The following MSRA variants were observed in gnomAD, a reference collection of about 807,000 sequenced individuals.
MSRA encodes the protein mitochondrial peptide methionine sulfoxide reductase.
MSRA carries 54 observed loss-of-function variants against 31.3 expected under a neutral mutation model. The observed-to-expected ratio is 1.73, with a 90% CI of 1.39 to 2.17. MSRA has a LOEUF of 2.17. MSRA is among the 30% of genes most tolerant of loss of function. The probability of loss-of-function intolerance (pLI) is 0.00; values close to 1 mark genes in which losing one functional copy is unlikely to be tolerated. For missense variants in MSRA, 507 were observed against 300.9 expected (o/e 1.69, Z -5.07); for synonymous variants, 169 against 116.5 (o/e 1.45, Z -2.90).
At chr8:10,339,063 G>T (rs1350837512) in intron 5 of MSRA, among the ~76,000 whole-genome samples, 1 of 152,150 alleles carries the variant, frequency 6.6e-6, no homozygotes, top group Non-Finnish European at 1.5e-5. Flanking sequence ...CACTGGGTTT[G>T]TTCCCTTGTT....
At chr8:10,204,827 C>T (rs969781958) in intron 1 of MSRA, among the ~76,000 whole-genome samples, 12 of 152,164 alleles carry the variant, frequency 7.9e-5, no homozygotes, top group Non-Finnish European at 1.3e-4. Context: ...ATCAAATGCC[C>T]GTTCTGTGTC....
At chr8:10,072,557 C>G (rs1276323661) in intron 1 of MSRA, among the ~76,000 whole-genome samples, 1 of 152,144 alleles carries the variant, frequency 6.6e-6, no homozygotes, top group Non-Finnish European at 1.5e-5. Context: ...CCTTATTCTT[C>G]CCTTTCAAGA....
intron 3 of MSRA, among the ~76,000 whole-genome samples, chr8:10,263,097 G>A (rs1224857809): frequency 2.0e-5 from 3 of 152,184 alleles, no homozygotes; most frequent in East Asian, 1.9e-4. Context: ...ACCCCAGCCC[G>A]AGGCCTAGTG....
intron 3 of MSRA, among the ~76,000 whole-genome samples, chr8:10,297,015 A>G (rs1327186281): frequency 6.6e-6 from 1 of 152,186 alleles, no homozygotes; most frequent in East Asian, 1.9e-4. Flanking sequence ...TGGAAGAATC[A>G]AAGGTGACAT....
chr8:10,357,567 T>C (rs1273624476), intron 5 of MSRA, among the ~76,000 whole-genome samples: 1 of 152,218 alleles, frequency 6.6e-6, no homozygotes. Context: ...CCTTTTACCA[T>C]GACTTCAGGA....
intron 1 of MSRA, among the ~76,000 whole-genome samples, chr8:10,161,714 C>T (rs1393012687): frequency 6.6e-6 from 1 of 151,936 alleles, no homozygotes; most frequent in East Asian, 1.9e-4. Context: ...AGAGCTGAAG[C>T]CAGGCTGACC....
intron 1 of MSRA, among the ~76,000 whole-genome samples, chr8:10,117,701 C>T (rs1358198276): frequency 6.6e-6 from 1 of 152,132 alleles, no homozygotes; most frequent in Non-Finnish European, 1.5e-5. Flanking sequence ...AAATACATTT[C>T]AGGGTCTTTT....
intron 1 of MSRA, among the ~76,000 whole-genome samples, chr8:10,165,929 G>A (rs1805085212): frequency 6.6e-6 from 1 of 152,190 alleles, no homozygotes; most frequent in Non-Finnish European, 1.5e-5. Flanking sequence ...GCACAGAGAA[G>A]CCAAGCAGAC....
intron 2 of MSRA, among the ~76,000 whole-genome samples, chr8:10,224,071 T>G (rs966648378): frequency 1.3e-5 from 2 of 152,302 alleles, no homozygotes; most frequent in Admixed American, 6.5e-5. Flanking sequence ...GATATCTCTT[T>G]GGCAAGGCAG....
chr8:10,096,333 T>A, intron 1 of MSRA: 6 of 1,057,948 alleles, frequency 5.7e-6, no homozygotes, highest in Non-Finnish European at 6.8e-6. Flanking sequence ...GCTTGGTCAT[T>A]ATTTTTTTGT....
At chr8:10,179,877 C>A (rs1806383738) in intron 1 of MSRA, among the ~76,000 whole-genome samples, 1 of 152,168 alleles carries the variant, frequency 6.6e-6, no homozygotes, top group Admixed American at 6.5e-5. Flanking sequence ...TTTTTATTTG[C>A]AGAAATGTCA....
intron 2 of MSRA, 127 bp from the exon 3 acceptor site, chr8:10,244,977 A>C: frequency 3.0e-6 from 2 of 659,858 alleles, no homozygotes; most frequent in Non-Finnish European, 4.7e-6. Flanking sequence ...AATCTTAGTC[A>C]TTTTTGGTTA....
chr8:10,368,497 A>T (rs568342121), intron 5 of MSRA, among the ~76,000 whole-genome samples: 1 of 152,212 alleles, frequency 6.6e-6, no homozygotes, highest in Non-Finnish European at 1.5e-5. Context: ...GTTGCTGGCC[A>T]TAGGCAGCAG....
chr8:10,419,487 T>C (rs1487101622), intron 5 of MSRA, among the ~76,000 whole-genome samples: 1 of 152,166 alleles, frequency 6.6e-6, no homozygotes, highest in African/African-American at 2.4e-5. Context: ...TAAAGTAGAA[T>C]AACGGCCCCA....
At chr8:10,154,603 A>C (rs1189717650) in intron 1 of MSRA, among the ~76,000 whole-genome samples, 1 of 151,924 alleles carries the variant, frequency 6.6e-6, no homozygotes, top group Non-Finnish European at 1.5e-5. Context: ...GGTCTTGATC[A>C]CCTGACCTCG....
chr8:10,235,544 G>A (rs2129075504), intron 2 of MSRA, among the ~76,000 whole-genome samples: 1 of 152,172 alleles, frequency 6.6e-6, no homozygotes, highest in Admixed American at 6.5e-5. Context: ...TAAAGAAAGA[G>A]CAGAAATAGA....
chr8:10,217,817 C>A (rs1810126091), intron 2 of MSRA, among the ~76,000 whole-genome samples: 1 of 152,154 alleles, frequency 6.6e-6, no homozygotes, highest in South Asian at 2.1e-4. Flanking sequence ...CCTGTTGCCT[C>A]ATAAATGTTT....
chr8:10,285,575 G>T (rs1466536502), intron 3 of MSRA, among the ~76,000 whole-genome samples: 5 of 152,076 alleles, frequency 3.3e-5, no homozygotes, highest in African/African-American at 1.2e-4. Flanking sequence ...GTAGGGTTCT[G>T]GAATACTGGA....
At chr8:10,076,336 C>G (rs1797994849) in intron 1 of MSRA, among the ~76,000 whole-genome samples, 2 of 152,316 alleles carry the variant, frequency 1.3e-5, no homozygotes, top group Admixed American at 6.5e-5. Context: ...TCACCACACT[C>G]CCTGCAAGAG....
Sources: gnomAD v4.1 joint callset for allele counts (sites outside exome capture counted in the v4.1 genomes callset) on GRCh38, gnomAD v4.1.1 for gene constraint, MANE v1.5 for transcripts, NCBI Gene and HGNC (gene_info 2026-07-23, HGNC 2026-07-21) for gene names.